FAT3: variants seen among roughly 807,000 people sequenced by gnomAD.
FAT3 encodes the protein protocadherin Fat 3.
Under a neutral mutation model 310.2 loss-of-function variants are expected in FAT3, and 95 were observed. The ratio of observed to expected loss-of-function variants is 0.31; its 90% CI spans 0.26 to 0.36. The LOEUF (loss-of-function observed/expected upper bound fraction) is 0.36. FAT3 is among the 10% of genes least tolerant of loss of function. The pLI, the probability that FAT3 is intolerant of heterozygous loss-of-function variation, is 1.00. For synonymous variants in FAT3, 2,314 were observed against 2,192.9 expected (o/e 1.06, Z -1.54); for missense variants, 5,408 against 5,715.6 (o/e 0.95, Z 1.74).
chr11:92,426,491 G>A (rs1362538191), intron 2 of FAT3, among the ~76,000 whole-genome samples: 2 of 152,074 alleles, frequency 1.3e-5, no homozygotes, highest in African/African-American at 4.8e-5. Context: ...TTTTCTTCTA[G>A]CGTTTTTATG....
intron 3 of FAT3, among the ~76,000 whole-genome samples, chr11:92,594,911 T>C (rs1939624693): frequency 6.6e-6 from 1 of 152,106 alleles, no homozygotes; most frequent in Non-Finnish European, 1.5e-5. Flanking sequence ...ATGTATAGTA[T>C]GGTTAGCTTA....
At chr11:92,718,934 C>T (rs1048417892) in intron 4 of FAT3, among the ~76,000 whole-genome samples, 4 of 152,124 alleles carry the variant, frequency 2.6e-5, no homozygotes, top group African/African-American at 4.8e-5. Flanking sequence ...TCTAAAGAAA[C>T]GGGTAAGAAA....
chr11:92,500,653 T>A (rs1485535151), intron 2 of FAT3, among the ~76,000 whole-genome samples: 1 of 151,996 alleles, frequency 6.6e-6, no homozygotes, highest in Admixed American at 6.6e-5. Flanking sequence ...AGAACACACA[T>A]CAGCATTCAG....
At chr11:92,816,655 G>T (rs1947833683) in intron 13 of FAT3, among the ~76,000 whole-genome samples, 1 of 152,164 alleles carries the variant, frequency 6.6e-6, no homozygotes, top group Non-Finnish European at 1.5e-5. Context: ...AGCCTCAAGG[G>T]TGTGGAGGGA....
intron 13 of FAT3, among the ~76,000 whole-genome samples, chr11:92,824,057 T>C (rs1389975101): frequency 6.6e-6 from 1 of 152,160 alleles, no homozygotes; most frequent in African/African-American, 2.4e-5. Flanking sequence ...TTAATTTAAG[T>C]ATGAAAATCA....
intron 13 of FAT3, among the ~76,000 whole-genome samples, chr11:92,825,077 G>C (rs928473490): frequency 3.9e-5 from 6 of 152,132 alleles, no homozygotes; most frequent in African/African-American, 1.4e-4. Flanking sequence ...AAAACTAAAT[G>C]TTCCTTAATA....
chr11:92,286,753 C>T (rs971672876), intron 1 of FAT3, among the ~76,000 whole-genome samples: 1 of 152,146 alleles, frequency 6.6e-6, no homozygotes, highest in African/African-American at 2.4e-5. Context: ...TTGCTATTAA[C>T]GCTTGTGGCA....
Position 92,831,698 on chromosome 11 carries a change from C to T in FAT3, c.9558C>T (p.Ile3186=), listed in dbSNP as rs774753947. 1.4e-5 allele frequency: 23 copies of T among 1,613,458 alleles called. No individual in the cohort carries two copies. The highest frequency in any genetic ancestry group is 3.3e-4 in the Middle Eastern group (2 of 6,082). Residue 3186 remains isoleucine (I), a synonymous_variant, in exon 14 of 28, where the codon ATC becomes ATT. Coordinates refer to ENST00000525166, the MANE Select transcript of FAT3 (RefSeq NM_001367949.2). ...TCTCCATTGACAGCTCATCTGGCAT[C>T]ATCATCCTGGAGCAGCCACTGGACC... ...GVFSIDSSSG[I]IILEQPLDRE...
intron 3 of FAT3, among the ~76,000 whole-genome samples, chr11:92,616,397 A>G (rs1324823874): frequency 6.6e-6 from 1 of 152,106 alleles, no homozygotes; most frequent in Non-Finnish European, 1.5e-5. Flanking sequence ...GGTCTCCTGA[A>G]TACGGGACAC....
intron 10 of FAT3, among the ~76,000 whole-genome samples, chr11:92,804,637 T>G (rs1459027645): frequency 6.6e-6 from 1 of 152,196 alleles, no homozygotes; most frequent in Non-Finnish European, 1.5e-5. Context: ...TCCTCTGTCG[T>G]GAAAACTTTT....
intron 1 of FAT3, among the ~76,000 whole-genome samples, chr11:92,318,728 T>C (rs1352325316): frequency 6.6e-6 from 1 of 152,232 alleles, no homozygotes; most frequent in Admixed American, 6.5e-5. Flanking sequence ...TCCAGAGGTC[T>C]TTCCTGAATT....
intron 17 of FAT3, among the ~76,000 whole-genome samples, chr11:92,839,246 GGCA>G (rs1948477926): frequency 6.6e-6 from 1 of 152,182 alleles, no homozygotes; most frequent in African/African-American, 2.4e-5. Context: ...CTATCCGCAG[GGCA>G]GGCATGTCTA....
chr11:92,712,924 G>A (rs965579957), intron 4 of FAT3, among the ~76,000 whole-genome samples: 2 of 152,202 alleles, frequency 1.3e-5, no homozygotes, highest in African/African-American at 4.8e-5. Flanking sequence ...GGCTGAAGTT[G>A]CTTAATAAAT....
At chr11:92,360,432 C>T (rs1399287980) in intron 2 of FAT3, among the ~76,000 whole-genome samples, 1 of 152,202 alleles carries the variant, frequency 6.6e-6, no homozygotes, top group Non-Finnish European at 1.5e-5. Context: ...AATCACTAGT[C>T]TGGAAGATGC....
intron 2 of FAT3, among the ~76,000 whole-genome samples, chr11:92,416,394 A>AG (rs1276990099): frequency 6.6e-6 from 1 of 151,500 alleles, no homozygotes; most frequent in Non-Finnish European, 1.5e-5. Flanking sequence ...AAAAAAAAAA[A>AG]AAAGAAAGAA....
At chr11:92,425,716 C>G (rs1177975997) in intron 2 of FAT3, among the ~76,000 whole-genome samples, 1 of 151,876 alleles carries the variant, frequency 6.6e-6, no homozygotes, top group Non-Finnish European at 1.5e-5. Flanking sequence ...GACATGAACT[C>G]TCTTTTGTAT....
At position 92,834,994 on chromosome 11, in the gene FAT3, A is replaced by T; in HGVS notation, c.9996A>T (p.Thr3332=). The part of the protein sequence containing the change: ...SAVATVNINL[T]DVNDNPPKFS... ...TGGCCACTGTCAACATCAACCTCACAGATGTTAATGACAACCCTCCCAAGT... is the reference window on the plus strand; with the variant it reads ...TGGCCACTGTCAACATCAACCTCACTGATGTTAATGACAACCCTCCCAAGT... Residue 3332 remains threonine (T), a synonymous_variant, in exon 15 of 28, where the codon ACA becomes ACT. Transcript: ENST00000525166. The T allele has an allele frequency of 6.2e-7, 1 of 1,613,714 alleles. No homozygotes were observed. Among genetic ancestry groups the T allele is most frequent in the Non-Finnish European group, 8.5e-7 (1 of 1,179,790 alleles).
chr11:92,664,069 G>C (rs1213802116), intron 3 of FAT3, among the ~76,000 whole-genome samples: 1 of 151,992 alleles, frequency 6.6e-6, no homozygotes, highest in Non-Finnish European at 1.5e-5. Context: ...TGTTTTCCAG[G>C]TGTATATGCT....
chr11:92,759,451 G>A (rs1018851435), intron 4 of FAT3, among the ~76,000 whole-genome samples: 4 of 152,116 alleles, frequency 2.6e-5, no homozygotes, highest in African/African-American at 9.7e-5. Flanking sequence ...ATGAGGGGGC[G>A]GGAAAGCTGG....
Sources: allele counts gnomAD v4.1 joint callset (sites outside exome capture counted in the v4.1 genomes callset), GRCh38; gene constraint gnomAD v4.1.1; transcripts MANE v1.5; gene names NCBI Gene and HGNC (gene_info 2026-07-23, HGNC 2026-07-21).